ADAMTSL3: variants seen among roughly 807,000 people sequenced by gnomAD.
ADAMTSL3 encodes ADAMTS like 3.
Under a neutral mutation model 201.7 loss-of-function variants are expected in ADAMTSL3, and 128 were observed. The ratio of observed to expected loss-of-function variants is 0.63; its 90% CI spans 0.55 to 0.73. The LOEUF (loss-of-function observed/expected upper bound fraction) is 0.73. Ranked by LOEUF, ADAMTSL3 falls within the 30% of genes least tolerant of loss-of-function variation. The pLI, the probability that ADAMTSL3 is intolerant of heterozygous loss-of-function variation, is 0.00. For missense variants in ADAMTSL3, 1,990 were observed against 2,119.6 expected, an observed-to-expected ratio of 0.94 and a Z score of 1.20; for synonymous variants, 738 against 748.4, an observed-to-expected ratio of 0.99 and a Z score of 0.23.
At chr15:83,682,021 C>A (rs1325706883) in intron 2 of ADAMTSL3, among the ~76,000 whole-genome samples, 1 of 152,134 alleles carries the variant, frequency 6.6e-6, no homozygotes, top group Non-Finnish European at 1.5e-5. Context: ...AATTTCAGAA[C>A]TATTTTTGAT....
At chr15:83,688,686 A>G (rs2061568847) in intron 2 of ADAMTSL3, among the ~76,000 whole-genome samples, 1 of 151,894 alleles carries the variant, frequency 6.6e-6, no homozygotes, top group Admixed American at 6.6e-5. Context: ...AGAATTTATT[A>G]AATAATTCAC....
At chr15:83,860,017 A>C (rs1180766878) in intron 8 of ADAMTSL3, among the ~76,000 whole-genome samples, 1 of 152,038 alleles carries the variant, frequency 6.6e-6, no homozygotes, top group East Asian at 1.9e-4. Flanking sequence ...TAAAAAAAAA[A>C]ATTAGCTAGG....
At chr15:83,981,550 CTG>C (rs1224637781) in intron 20 of ADAMTSL3, among the ~76,000 whole-genome samples, 2 of 152,238 alleles carry the variant, frequency 1.3e-5, no homozygotes, top group African/African-American at 4.8e-5. Context: ...GGTGAGGAAA[CTG>C]AGGCTCAGAG....
intron 9 of ADAMTSL3, among the ~76,000 whole-genome samples, chr15:83,876,884 A>G (rs2065187196): frequency 1.3e-5 from 2 of 152,022 alleles, no homozygotes; most frequent in African/African-American, 4.8e-5. Flanking sequence ...CCTCCACCTC[A>G]TGGGTTCAAG....
At chr15:83,976,007 G>T (rs2067279756) in intron 20 of ADAMTSL3, among the ~76,000 whole-genome samples, 1 of 152,186 alleles carries the variant, frequency 6.6e-6, no homozygotes. Context: ...TGGTGAGAGA[G>T]CATGAGAGTA....
intron 2 of ADAMTSL3, among the ~76,000 whole-genome samples, chr15:83,658,584 C>T (rs2061123247): frequency 6.6e-6 from 1 of 152,316 alleles, no homozygotes; most frequent in South Asian, 2.1e-4. Flanking sequence ...GCAGCTGGAG[C>T]GGCCTCCCCT....
intron 2 of ADAMTSL3, among the ~76,000 whole-genome samples, chr15:83,674,770 T>TATACACACATATATAC (rs1468370330): frequency 0.017 from 2,044 of 121,700 alleles, 128 homozygotes; most frequent in African/African-American, 0.082. Context: ...TATATACATA[T>TATACACACATATATAC]ATATATATAT....
At chr15:83,766,951 G>A (rs894974788) in intron 3 of ADAMTSL3, among the ~76,000 whole-genome samples, 3 of 152,126 alleles carry the variant, frequency 2.0e-5, no homozygotes, top group Admixed American at 1.3e-4. Context: ...AAAACAGGCC[G>A]GACGTGGTGG....
rs771352434 is a variant in ADAMTSL3 at position 83,988,744 on chromosome 15, A to G, written c.3770A>G (p.Glu1257Gly). The G allele has an allele frequency of 6.2e-7, 1 of 1,607,916 alleles. No individual in the cohort carries two copies. Among genetic ancestry groups the G allele is most frequent in the Non-Finnish European group, 8.5e-7 (1 of 1,177,584 alleles). Reference protein sequence around the residue: ...KIQIQNPTRKEQGIYECSVAN... With the variant: ...KIQIQNPTRKGQGIYECSVAN... ...CAGATACAGAATCCTACAAGGAAAG[A>G]ACAAGGCATATATGAATGTTCTGTA... The change falls in exon 22 of 30, where the codon GAA becomes GGA. Residue 1257 changes from glutamate (E) to glycine (G), a missense_variant. Physicochemically the swap from Glu to Gly is moderately conservative, Grantham distance 98. Transcript: ENST00000286744.
chr15:84,016,514 C>A lies in ADAMTSL3; in HGVS notation c.4273+15C>A. The A allele has an allele frequency of 6.2e-7, 1 of 1,601,402 alleles. No homozygotes were observed. Among genetic ancestry groups the A allele is most frequent in the Non-Finnish European group, 8.6e-7 (1 of 1,168,890 alleles). On this transcript the variant is annotated intron_variant, in intron 25 of 29. Coordinates refer to ENST00000286744, the MANE Select transcript of ADAMTSL3 (RefSeq NM_207517.3). ...CCCGCCTCAAGGTCTGGGATTTTGA[C>A]CTTTTCAGATTTGCTATGTGTGAGG...
At chr15:83,923,830 T>A in intron 16 of ADAMTSL3, 74 bp from the exon 17 acceptor site, 2 of 1,557,940 alleles carry the variant, frequency 1.3e-6, no homozygotes, top group East Asian at 2.3e-5. Flanking sequence ...TGAGAAGACC[T>A]AAGACTCTAT....
At chr15:83,887,958 C>G (rs958601900) in intron 10 of ADAMTSL3, among the ~76,000 whole-genome samples, 3 of 152,142 alleles carry the variant, frequency 2.0e-5, no homozygotes, top group East Asian at 1.9e-4. Context: ...GAGACGTTCA[C>G]ATTTGGATCC....
At chr15:83,843,784 A>G (rs538646514) in intron 7 of ADAMTSL3, among the ~76,000 whole-genome samples, 2 of 152,352 alleles carry the variant, frequency 1.3e-5, no homozygotes, top group South Asian at 2.1e-4. Context: ...TATCATTTCC[A>G]TCACGCAGTG....
chr15:83,998,120 A>T (rs550775750), intron 23 of ADAMTSL3, among the ~76,000 whole-genome samples: 25 of 152,294 alleles, frequency 1.6e-4, no homozygotes, highest in Non-Finnish European at 3.1e-4. Flanking sequence ...GCCCATGAAA[A>T]ATCCAGTTAC....
intron 3 of ADAMTSL3, among the ~76,000 whole-genome samples, chr15:83,713,480 G>C (rs1355261968): frequency 6.6e-6 from 1 of 152,108 alleles, no homozygotes; most frequent in African/African-American, 2.4e-5. Context: ...ATAAGAATGG[G>C]GAGTAATGGC....
intron 3 of ADAMTSL3, among the ~76,000 whole-genome samples, chr15:83,765,027 C>T (rs994748037): frequency 6.6e-6 from 1 of 152,052 alleles, no homozygotes; most frequent in African/African-American, 2.4e-5. Flanking sequence ...ATCCTAGAGG[C>T]CATCAACTGT....
rs1349864090 is a variant in ADAMTSL3 at position 84,038,034 on chromosome 15, A to G, written c.*228A>G. 2 of 572,476 alleles carry G rather than the reference A, an allele frequency of 3.5e-6. No individual in the cohort carries two copies. The highest frequency in any genetic ancestry group is 3.7e-5 in the Admixed American group (1 of 27,384). 35.5% of individuals were successfully genotyped at this position (572,476 alleles called of 1,614,324 possible). Reference sequence around the variant, plus strand: ...TGTATTCAAGGATGAACAAAATACTATAGCATGCATGCCACTGCACTTGGG... The same window carrying G: ...TGTATTCAAGGATGAACAAAATACTGTAGCATGCATGCCACTGCACTTGGG... On this transcript the variant is annotated 3_prime_UTR_variant, in exon 30 of 30. Transcript: ENST00000286744.
At chr15:83,995,367 G>C (rs749238991) in intron 23 of ADAMTSL3, among the ~76,000 whole-genome samples, 1 of 152,160 alleles carries the variant, frequency 6.6e-6, no homozygotes, top group Non-Finnish European at 1.5e-5. Flanking sequence ...TGGCAAACCA[G>C]TAATAGAAGG....
chr15:83,796,570 A>G (rs772085544), intron 4 of ADAMTSL3, among the ~76,000 whole-genome samples: 3 of 152,342 alleles, frequency 2.0e-5, no homozygotes, highest in African/African-American at 4.8e-5. Flanking sequence ...ATTTTCCCCT[A>G]TGTTAATCTA....
Sources: gnomAD v4.1 joint callset for allele counts (sites outside exome capture counted in the v4.1 genomes callset) on GRCh38, gnomAD v4.1.1 for gene constraint, MANE v1.5 for transcripts, NCBI Gene and HGNC (gene_info 2026-07-23, HGNC 2026-07-21) for gene names.